Variants in CYP3A43 observed in about 807,000 individuals in gnomAD.
The protein encoded by CYP3A43 is cytochrome P450 family 3 subfamily A member 43.
A neutral mutation model predicts 58.0 loss-of-function variants in CYP3A43; 45 were observed. The observed-to-expected ratio is 0.78, with a 90% CI of 0.61 to 0.99. CYP3A43 has a LOEUF of 0.99. Ranked by LOEUF, CYP3A43 falls within the 50% of genes least tolerant of loss-of-function variation. The probability of loss-of-function intolerance (pLI) is 0.00; values close to 1 mark genes in which losing one functional copy is unlikely to be tolerated. For missense variants in CYP3A43, 593 were observed against 591.9 expected (o/e 1.00, Z -0.02); for synonymous variants, 191 against 201.4 (o/e 0.95, Z 0.44).
Position 99,838,575 on chromosome 7 carries a change from GAAGT to G in CYP3A43, c.166-540_166-537del. On this transcript the variant is annotated intron_variant, in intron 2 of 12. Transcript: ENST00000354829. ...ATGAGTTGCTTAGTGTTCATAGACA[GAAGT>G]AAGTCATTCAATATCTACACTAGTT... The G allele has an allele frequency of 7.5e-6, 7 of 928,748 alleles. No homozygotes were observed. In the South Asian group the frequency reaches 9.7e-5, roughly 13 times the overall value. 57.5% of individuals were successfully genotyped at this position (928,748 alleles called of 1,614,324 possible).
chr7:99,861,973 C>T, intron 11 of CYP3A43, 134 bp downstream of exon 11: 1 of 734,784 alleles, frequency 1.4e-6, no homozygotes, highest in Non-Finnish European at 2.2e-6. Context: ...AAAATGATAA[C>T]TGTTAAACTT....
intron 1 of CYP3A43, among the ~76,000 whole-genome samples, chr7:99,832,204 C>T (rs1816870677): frequency 6.6e-6 from 1 of 151,468 alleles, no homozygotes; most frequent in African/African-American, 2.4e-5. Context: ...CTCTGTAATT[C>T]AATGGATGTA....
intron 9 of CYP3A43, among the ~76,000 whole-genome samples, chr7:99,858,015 G>A (rs137955413): frequency 3.1e-4 from 47 of 152,184 alleles, no homozygotes; most frequent in African/African-American, 6.3e-4. Context: ...ACAGTCTATC[G>A]TTTTGTTGCT....
chr7:99,838,415 T>C (rs144433196), intron 2 of CYP3A43, among the ~76,000 whole-genome samples: 1 of 152,306 alleles, frequency 6.6e-6, no homozygotes, highest in Non-Finnish European at 1.5e-5. Context: ...AGATAAAAGA[T>C]TGCACATTCC....
At chr7:99,832,799 G>T (rs1179137428) in intron 1 of CYP3A43, among the ~76,000 whole-genome samples, 1 of 151,698 alleles carries the variant, frequency 6.6e-6, no homozygotes, top group Non-Finnish European at 1.5e-5. Context: ...TACATGCTTT[G>T]CTTCCCCTTC....
rs201274854 is a variant in CYP3A43 at position 99,844,134 on chromosome 7, C to T, written c.219-9C>T. 1 of 1,608,622 alleles carries T rather than the reference C, an allele frequency of 6.2e-7. No individual in the cohort carries two copies. Among genetic ancestry groups the T allele is most frequent in the East Asian group, 2.2e-5 (1 of 44,736 alleles). ...CGAGGTTTAGTCAGCTCTGTTTTCC[C>T]CCACACAGGCTGTATGAGGGGCAAC... On this transcript the variant is annotated splice_polypyrimidine_tract_variant and intron_variant, in intron 3 of 12. Transcript: ENST00000354829.
In CYP3A43 at chr7:99,864,687, A is replaced by C. The variant is rs545115425; in HGVS notation, c.1416+988A>C. Reference sequence around the variant, plus strand: ...AAAGTCCAATAGTGTCTTGCAGAGGACATTATCCATTGCAGGCATTCCACA... The same window carrying C: ...AAAGTCCAATAGTGTCTTGCAGAGGCCATTATCCATTGCAGGCATTCCACA... On this transcript the variant is annotated intron_variant, in intron 12 of 12. Transcript: ENST00000354829. Among the ~76,000 whole-genome samples the C allele has an allele frequency of 1.2e-3, 183 of 148,892 alleles. 5 individuals are homozygous for C. The highest frequency in any genetic ancestry group is 2.2e-3 in the Non-Finnish European group (147 of 68,022).
chr7:99,837,892 A>G (rs1256879662), intron 2 of CYP3A43, among the ~76,000 whole-genome samples: 1 of 152,224 alleles, frequency 6.6e-6, no homozygotes. Flanking sequence ...TCTCTGACTC[A>G]GGTTTTCTGT....
chr7:99,860,655 T>C (rs1475593748), intron 10 of CYP3A43, among the ~76,000 whole-genome samples: 1 of 152,162 alleles, frequency 6.6e-6, no homozygotes, highest in Non-Finnish European at 1.5e-5. Flanking sequence ...AAAGGAATGT[T>C]CATCTAAGTT....
intron 3 of CYP3A43, among the ~76,000 whole-genome samples, chr7:99,842,472 G>A (rs1387624607): frequency 1.3e-5 from 2 of 151,958 alleles, no homozygotes; most frequent in African/African-American, 4.8e-5. Flanking sequence ...AAGTTTTATA[G>A]ATTCTCTATA....
At chr7:99,850,504 C>CTA (rs1817720373) in intron 7 of CYP3A43, among the ~76,000 whole-genome samples, 1 of 152,102 alleles carries the variant, frequency 6.6e-6, no homozygotes, top group Non-Finnish European at 1.5e-5. Context: ...TTGTGATCTG[C>CTA]CTGCCTCAGC....
chr7:99,849,628 C>G lies in CYP3A43; in HGVS notation c.604C>G (p.Pro202Ala). ...NLDSLNNPQD[P>A]FLKNMKKLLK... ...GGATTCTCTCAACAATCCACAAGAT[C>G]CCTTTCTGAAAAATATGAAGAAGCT... The change falls in exon 7 of 13, where the codon CCC becomes GCC. Residue 202 changes from proline to alanine, a missense_variant. By Grantham distance (27) the Pro-to-Ala change is conservative. Transcript: ENST00000354829. 1.2e-6 allele frequency: 2 copies of G among 1,612,754 alleles called. No homozygotes were observed. The highest frequency in any genetic ancestry group is 1.7e-6 in the Non-Finnish European group (2 of 1,179,702).
intron 1 of CYP3A43, among the ~76,000 whole-genome samples, chr7:99,831,339 G>A (rs1816835824): frequency 6.6e-6 from 1 of 152,158 alleles, no homozygotes; most frequent in African/African-American, 2.4e-5. Flanking sequence ...AATATTTTAT[G>A]GTTACTTATG....
At chr7:99,829,739 A>G (rs1816768440) in intron 1 of CYP3A43, among the ~76,000 whole-genome samples, 4 of 152,156 alleles carry the variant, frequency 2.6e-5, no homozygotes, top group Admixed American at 1.3e-4. Context: ...CTTATTAAGT[A>G]CCTGTTTAAC....
chr7:99,863,559 A>G lies in CYP3A43; in HGVS notation c.1276A>G (p.Ser426Gly). Residue 426 changes from serine (S) to glycine (G), a missense_variant, in exon 12 of 13, where the codon AGC becomes GGC. Physicochemically the swap from Ser to Gly is moderately conservative, Grantham distance 56. Transcript: ENST00000354829. The stretch of plus-strand genomic sequence containing the variant: ...TAGGTTCAGTAAGAAGAACAAGGAC[A>G]GCATAGATCTTTACAGATACATACC... ...PERFSKKNKD[S>G]IDLYRYIPFG... The G allele has an allele frequency of 6.2e-7, 1 of 1,608,240 alleles. No homozygotes were observed. Among genetic ancestry groups the G allele is most frequent in the South Asian group, 1.1e-5 (1 of 89,294 alleles).
rs970536373 is a variant in CYP3A43, at chr7:99,849,419, G to A, written c.522-127G>A. On this transcript the variant is annotated intron_variant, in intron 6 of 12. Transcript: ENST00000354829. ...CATGAGTATGATGGGAGATGATGCA[G>A]CAGATTGTTCTGATTGTGTGTGGGT... 3.6e-6 allele frequency: 4 copies of A among 1,098,472 alleles called. No individual in the cohort carries two copies. The African/African-American group carries it at 4.9e-5, about 13-fold the overall frequency. 68.0% of individuals were successfully genotyped at this position (1,098,472 alleles called of 1,614,324 possible). A position where few individuals can be genotyped will look rare whatever the true frequency, so the allele number is the denominator to read the frequency against.
At chr7:99,838,562 G>C in intron 2 of CYP3A43, 1 of 749,172 alleles carries the variant, frequency 1.3e-6, no homozygotes, top group Non-Finnish European at 1.9e-6. Context: ...GAGTTGCTTA[G>C]TGTTCATAGA....
At position 99,846,631 on chromosome 7, in the gene CYP3A43, G is replaced by C. The variant is rs369865921; in HGVS notation, c.319-857G>C. Among the ~76,000 whole-genome samples the C allele has an allele frequency of 1.6e-4, 25 of 152,308 alleles. No individual in the cohort carries two copies. The East Asian group carries it at 2.7e-3, about 16-fold the overall frequency. Reference sequence around the variant, plus strand: ...ATATGATGTTGAATAAGAATGGTGAGAGTGGATATTTTTGTATTGTTTCTG... The same window carrying C: ...ATATGATGTTGAATAAGAATGGTGACAGTGGATATTTTTGTATTGTTTCTG... On this transcript the variant is annotated intron_variant, in intron 4 of 12. Transcript: ENST00000354829.
intron 6 of CYP3A43, 135 bp from the exon 7 acceptor site, chr7:99,849,411 A>G: frequency 9.8e-7 from 1 of 1,024,264 alleles, no homozygotes; most frequent in Non-Finnish European, 1.4e-6. Flanking sequence ...ATGATGGGAG[A>G]TGATGCAGCA....
Sources: gnomAD v4.1 joint callset for allele counts (sites outside exome capture counted in the v4.1 genomes callset) on GRCh38, gnomAD v4.1.1 for gene constraint, MANE v1.5 for transcripts, NCBI Gene and HGNC (gene_info 2026-07-23, HGNC 2026-07-21) for gene names.